RUFY2: variants seen among roughly 807,000 people sequenced by gnomAD.
RUFY2 encodes the protein RUN and FYVE domain containing 2, also known as RUN and FYVE domain-containing protein 2.
RUFY2 carries 49 observed loss-of-function variants against 94.4 expected under a neutral mutation model. That is an observed-to-expected ratio of 0.52 (90% CI 0.41 to 0.66). The LOEUF (loss-of-function observed/expected upper bound fraction) is 0.66. RUFY2 is among the 30% of genes least tolerant of loss of function. RUFY2 has a pLI of 0.00. For missense variants in RUFY2, 541 were observed against 692.8 expected (o/e 0.78, Z 2.46); for synonymous variants, 255 against 235.7 (o/e 1.08, Z -0.75).
At chr10:68,391,249 T>C (rs987967281) in intron 7 of RUFY2, among the ~76,000 whole-genome samples, 2 of 152,130 alleles carry the variant, frequency 1.3e-5, no homozygotes, top group African/African-American at 2.4e-5. Flanking sequence ...AATTTTTATA[T>C]TGATTGCATG....
chr10:68,383,357 G>A (rs778226920), intron 10 of RUFY2, among the ~76,000 whole-genome samples: 1 of 151,090 alleles, frequency 6.6e-6, no homozygotes, highest in Non-Finnish European at 1.5e-5. Context: ...AGTGGCTCAC[G>A]CCTGTAATCC....
At chr10:68,360,636 T>C (rs1368824630) in intron 15 of RUFY2, among the ~76,000 whole-genome samples, 3 of 151,930 alleles carry the variant, frequency 2.0e-5, no homozygotes, top group Non-Finnish European at 2.9e-5. Flanking sequence ...TAGTCCCAGC[T>C]ACTCAGGAGG....
downstream of RUFY2, chr10:68,341,645 G>T (rs145425294): frequency 1.2e-4 from 191 of 1,613,692 alleles, 1 homozygote; most frequent in African/African-American, 2.3e-3. Flanking sequence ...GGCATGGGAG[G>T]TTCTGGAATG....
intron 15 of RUFY2, among the ~76,000 whole-genome samples, chr10:68,356,286 C>T (rs937093717): frequency 6.6e-6 from 1 of 151,994 alleles, no homozygotes; most frequent in African/African-American, 2.4e-5. Context: ...GGTGAATCAT[C>T]TGAGGTCAGG....
chr10:68,352,344 G>A (rs1013527322), intron 16 of RUFY2, among the ~76,000 whole-genome samples: 2 of 152,096 alleles, frequency 1.3e-5, no homozygotes, highest in Non-Finnish European at 2.9e-5. Context: ...GAAAATAAGG[G>A]AGTATACAAA....
rs2046085791 is a variant in RUFY2, at chr10:68,343,415, A to T, written c.*2353T>A. ...GGGCATACACCACCTGTCTTTTTTG[A>T]AAGTTGTATGTGTTTTATTTTCCCA... On this transcript the variant is annotated 3_prime_UTR_variant, in exon 18 of 18. Transcript: ENST00000602465. 6.6e-6 allele frequency: 1 copy of T among 152,566 alleles called. No individual in the cohort carries two copies. Among genetic ancestry groups the T allele is most frequent in the Non-Finnish European group, 1.5e-5 (1 of 68,012 alleles). The allele number at this position is 152,566 out of a possible 1,614,324, so 9.5% of individuals were successfully genotyped here.
At chr10:68,378,239 A>C (rs1226742390) in intron 12 of RUFY2, 8 of 1,029,716 alleles carry the variant, frequency 7.8e-6, no homozygotes, top group Non-Finnish European at 9.3e-6. Context: ...ATAAAACTGA[A>C]GGTTAAGTTA....
chr10:68,369,493 A>G (rs1212047318), intron 13 of RUFY2, among the ~76,000 whole-genome samples: 1 of 11,700 alleles, frequency 8.5e-5, no homozygotes, highest in South Asian at 3.3e-3. Context: ...TCAAAAAAAA[A>G]AAACAAAAAA....
intron 15 of RUFY2, among the ~76,000 whole-genome samples, chr10:68,357,538 G>T (rs2047147706): frequency 6.6e-6 from 1 of 151,128 alleles, no homozygotes; most frequent in Admixed American, 6.6e-5. Flanking sequence ...AGCCCCAGTT[G>T]GTATAATTTA....
intron 1 of RUFY2, 134 bp from the exon 2 acceptor site, chr10:68,404,978 C>T (rs2051153954): frequency 2.9e-6 from 2 of 701,470 alleles, no homozygotes; most frequent in Admixed American, 3.3e-5. Context: ...CCAGCTAAAC[C>T]ACACCCTTGA....
intron 4 of RUFY2, among the ~76,000 whole-genome samples, chr10:68,395,997 C>T (rs12253326): frequency 6.6e-6 from 1 of 152,144 alleles, no homozygotes; most frequent in South Asian, 2.1e-4. Flanking sequence ...GTTTGGCCTT[C>T]GTTTTATTTT....
rs759638944 is a variant in RUFY2 at position 68,394,131 on chromosome 10, T to C, written c.528A>G (p.Gly176=). 6.7e-7 allele frequency: 1 copy of C among 1,497,150 alleles called. No individual in the cohort carries two copies. The highest frequency in any genetic ancestry group is 1.3e-5 in the South Asian group (1 of 77,942). The allele number at this position is 1,497,150 out of a possible 1,614,324, so 92.7% of individuals were successfully genotyped here. ...VKGEDLDSQV[G]VIDFSMYLKN... ...TTAAATACATAGAAAAATCAATCACTCCAACCTGAAGTAAATAAAGTTTTT... is the reference window on the plus strand; with the variant it reads ...TTAAATACATAGAAAAATCAATCACCCCAACCTGAAGTAAATAAAGTTTTT... Residue 176 remains glycine, a synonymous_variant, in exon 6 of 18, where the codon GGA becomes GGG. Coordinates refer to ENST00000602465, the MANE Select transcript of RUFY2 (RefSeq NM_001330103.2).
At chr10:68,383,668 A>C in intron 10 of RUFY2, 130 bp downstream of exon 10, 1 of 689,508 alleles carries the variant, frequency 1.5e-6, no homozygotes, top group Admixed American at 2.3e-5. Flanking sequence ...AAATTTGAGA[A>C]GATTAAGGGG....
At chr10:68,365,507 G>A (rs1019764342) in intron 13 of RUFY2, among the ~76,000 whole-genome samples, 1 of 152,196 alleles carries the variant, frequency 6.6e-6, no homozygotes, top group Non-Finnish European at 1.5e-5. Flanking sequence ...GTGGAAGACT[G>A]GTTCCTACTG....
intron 15 of RUFY2, 66 bp downstream of exon 15, chr10:68,363,524 T>G: frequency 3.8e-6 from 4 of 1,045,280 alleles, no homozygotes; most frequent in East Asian, 2.6e-5. Flanking sequence ...CCTAATAGAT[T>G]TGGCACACTT....
At chr10:68,388,493 T>G (rs1341387482) in intron 7 of RUFY2, among the ~76,000 whole-genome samples, 2 of 152,018 alleles carry the variant, frequency 1.3e-5, no homozygotes, top group Non-Finnish European at 2.9e-5. Context: ...TTCTATATGT[T>G]TTCTATATTT....
chr10:68,357,314 C>T (rs1439541163), intron 15 of RUFY2, among the ~76,000 whole-genome samples: 1 of 151,472 alleles, frequency 6.6e-6, no homozygotes, highest in Non-Finnish European at 1.5e-5. Context: ...CTGCAACCTC[C>T]GCCCCCAAGG....
In RUFY2 at chr10:68,363,696, T is replaced by C; in HGVS notation, c.1456-12A>G. 6.7e-7 allele frequency: 1 copy of C among 1,487,124 alleles called. No individual in the cohort carries two copies. The highest frequency in any genetic ancestry group is 2.3e-5 in the East Asian group (1 of 44,022). The allele number at this position is 1,487,124 out of a possible 1,614,324, so 92.1% of individuals were successfully genotyped here. A position where few individuals can be genotyped will look rare whatever the true frequency, so the allele number is the denominator to read the frequency against. On this transcript the variant is annotated splice_polypyrimidine_tract_variant and intron_variant, in intron 14 of 17. Coordinates refer to ENST00000602465, the MANE Select transcript of RUFY2 (RefSeq NM_001330103.2). ...AGGTTAAGGAACTCCTTCAGAACAA[T>C]AAAAGACAGAAAATGAAATTTAAAA...
chr10:68,398,435 T>A (rs569117624), intron 3 of RUFY2, among the ~76,000 whole-genome samples: 2 of 152,076 alleles, frequency 1.3e-5, no homozygotes, highest in East Asian at 3.9e-4. Context: ...GTGGATCACT[T>A]GAGGTCAGGA....
Sources: allele counts gnomAD v4.1 joint callset (sites outside exome capture counted in the v4.1 genomes callset), GRCh38; gene constraint gnomAD v4.1.1; transcripts MANE v1.5; gene names NCBI Gene and HGNC (gene_info 2026-07-23, HGNC 2026-07-21).